MACROD2: variants seen among roughly 807,000 people sequenced by gnomAD.
The protein encoded by MACROD2 is ADP-ribose glycohydrolase MACROD2.
A neutral mutation model predicts 70.4 loss-of-function variants in MACROD2; 36 were observed. The observed-to-expected ratio is 0.51, with a 90% confidence interval of 0.39 to 0.68. The LOEUF is 0.68. Among genes scored for constraint, MACROD2 ranks in the 30% least tolerant of loss-of-function variants. MACROD2 has a pLI of 0.00. For synonymous variants in MACROD2, 172 were observed against 178.8 expected, an observed-to-expected ratio of 0.96 and a Z score of 0.30; for missense variants, 496 against 538.4, an observed-to-expected ratio of 0.92 and a Z score of 0.78.
intron 8 of MACROD2, among the ~76,000 whole-genome samples, chr20:15,556,120 G>A (rs977281187): frequency 1.3e-5 from 2 of 152,128 alleles, no homozygotes; most frequent in Admixed American, 1.3e-4. Flanking sequence ...AATTAAAATG[G>A]GTCATATGCA....
Position 14,326,994 on chromosome 20 carries a change from C to G in MACROD2, c.272-166485C>G. Reference sequence around the variant, plus strand: ...GTTCTTCTATAGTCCTGGGCAAACCCCAGGGAATTGTGCTAAGGTGATTAC... The same window carrying G: ...GTTCTTCTATAGTCCTGGGCAAACCGCAGGGAATTGTGCTAAGGTGATTAC... On this transcript the variant is annotated intron_variant, in intron 3 of 17. Coordinates refer to ENST00000684519, the MANE Select transcript of MACROD2 (RefSeq NM_001351661.2). This position sits in a 1 kb window ranked among gnomAD's most constrained non-coding sequence, Gnocchi z 5.5. The G allele has an allele frequency of 1.2e-6, 2 of 1,613,676 alleles. No individual in the cohort carries two copies. Among genetic ancestry groups the G allele is most frequent in the Non-Finnish European group, 1.7e-6 (2 of 1,179,752 alleles).
intron 6 of MACROD2, among the ~76,000 whole-genome samples, chr20:15,290,891 A>C (rs1443819939): frequency 6.6e-6 from 1 of 152,220 alleles, no homozygotes; most frequent in Non-Finnish European, 1.5e-5. Flanking sequence ...ACGCTGAAGA[A>C]AATAACATGC....
chr20:15,094,775 G>A (rs1231184138), intron 5 of MACROD2, among the ~76,000 whole-genome samples: 1 of 152,046 alleles, frequency 6.6e-6, no homozygotes. Context: ...AAAAAACACA[G>A]GAACATTATT....
intron 3 of MACROD2, among the ~76,000 whole-genome samples, chr20:14,250,280 A>G (rs866778100): frequency 1.3e-5 from 2 of 152,068 alleles, no homozygotes; most frequent in African/African-American, 2.4e-5. Flanking sequence ...TTTGTTGCCA[A>G]TTTTAAGGAA....
At chr20:15,417,056 G>A (rs1001957803) in intron 6 of MACROD2, among the ~76,000 whole-genome samples, 4 of 152,122 alleles carry the variant, frequency 2.6e-5, no homozygotes, top group African/African-American at 9.7e-5. Flanking sequence ...TAAAACAGAC[G>A]TGTCAAGACT....
At chr20:15,460,838 T>C (rs2046797555) in intron 7 of MACROD2, among the ~76,000 whole-genome samples, 2 of 151,552 alleles carry the variant, frequency 1.3e-5, no homozygotes, top group Non-Finnish European at 2.9e-5. Context: ...TTCTATGAAA[T>C]CAACTGTTTT....
At chr20:15,723,177 C>G (rs1187616408) in intron 8 of MACROD2, among the ~76,000 whole-genome samples, 1 of 152,162 alleles carries the variant, frequency 6.6e-6, no homozygotes, top group Non-Finnish European at 1.5e-5. Context: ...GAGGAAGGCA[C>G]AGAGATTTCT....
At chr20:15,030,666 C>CAGATAGATAGAT (rs60260667) in intron 5 of MACROD2, among the ~76,000 whole-genome samples, 23 of 151,750 alleles carry the variant, frequency 1.5e-4, no homozygotes, top group African/African-American at 5.1e-4. Context: ...GATAGATAGA[C>CAGATAGATAGAT]AGATAGATAG....
chr20:14,297,870 T>C (rs11905766), intron 3 of MACROD2, among the ~76,000 whole-genome samples: 3,261 of 151,978 alleles, frequency 0.021, 192 homozygotes, highest in African/African-American at 0.075. Flanking sequence ...AATGCCTGCC[T>C]TCAAAGCTTC....
At chr20:14,635,177 G>A (rs116836099) in intron 4 of MACROD2, among the ~76,000 whole-genome samples, 1,968 of 152,288 alleles carry the variant, frequency 0.013, 38 homozygotes, top group African/African-American at 0.046. Flanking sequence ...AATCAGTGTT[G>A]AATTATTTCC....
At chr20:15,965,254 C>T (rs2066123226) in intron 12 of MACROD2, among the ~76,000 whole-genome samples, 1 of 152,006 alleles carries the variant, frequency 6.6e-6, no homozygotes, top group South Asian at 2.1e-4. Context: ...AAAGCAACTC[C>T]CCAAGAATAT....
chr20:15,700,343 T>C (rs1723656324), intron 8 of MACROD2, among the ~76,000 whole-genome samples: 1 of 152,164 alleles, frequency 6.6e-6, no homozygotes, highest in South Asian at 2.1e-4. Flanking sequence ...TGAGGGAGCA[T>C]CAGGCTGCAA....
rs535252913 is a variant in MACROD2, at chr20:15,858,642, C to T, written c.646-4103C>T. ...CATTTAGCAGGATTGACCTGTTTCCCGCTGGTGTGACATTAGCTGGGATGG... is the reference window on the plus strand; with the variant it reads ...CATTTAGCAGGATTGACCTGTTTCCTGCTGGTGTGACATTAGCTGGGATGG... On this transcript the variant is annotated intron_variant, in intron 8 of 17. Transcript: ENST00000684519. 2.3e-3 allele frequency among the ~76,000 whole-genome samples: 353 copies of T among 152,258 alleles called. 1 individual carries two copies. Among genetic ancestry groups the T allele is most frequent in the African/African-American group, 7.7e-3 (322 of 41,550 alleles).
chr20:15,360,108 T>A (rs1428034131), intron 6 of MACROD2, among the ~76,000 whole-genome samples: 2 of 152,216 alleles, frequency 1.3e-5, no homozygotes, highest in Non-Finnish European at 2.9e-5. Flanking sequence ...TCATAAAGCA[T>A]GTGATTTTTT....
chr20:16,025,396 G>A (rs1200986518), intron 15 of MACROD2, among the ~76,000 whole-genome samples: 3 of 152,206 alleles, frequency 2.0e-5, no homozygotes, highest in Non-Finnish European at 4.4e-5. Flanking sequence ...TCTGAAAAAA[G>A]CAAAAGATTC....
chr20:14,270,732 C>T (rs891826909), intron 3 of MACROD2, among the ~76,000 whole-genome samples: 11 of 152,154 alleles, frequency 7.2e-5, no homozygotes, highest in Admixed American at 1.3e-4. Flanking sequence ...CCAAGATGGC[C>T]GAATAGGAAC....
chr20:14,997,005 G>A (rs1180676816), intron 5 of MACROD2, among the ~76,000 whole-genome samples: 2 of 152,210 alleles, frequency 1.3e-5, no homozygotes, highest in African/African-American at 2.4e-5. Flanking sequence ...CCCTGGTGCT[G>A]TGCTGAGCTC....
At chr20:14,926,608 C>T (rs1285821093) in intron 5 of MACROD2, among the ~76,000 whole-genome samples, 3 of 151,560 alleles carry the variant, frequency 2.0e-5, no homozygotes, top group East Asian at 3.9e-4. Context: ...ATGAACAAGT[C>T]AAACTCAATA....
At position 15,677,607 on chromosome 20, in the gene MACROD2, C is replaced by G. The variant is rs1380029527; in HGVS notation, c.645+177760C>G. 2.0e-5 allele frequency among the ~76,000 whole-genome samples: 3 copies of G among 152,018 alleles called. No individual in the cohort carries two copies. The South Asian group carries it at 6.2e-4, about 32-fold the overall frequency. ...ACTGTGTGGGTGACCAGAATCCCAG[C>G]CCATACCTCAGTTTCATTGTCTTCT... is the stretch of plus-strand genomic sequence containing the variant. On this transcript the variant is annotated intron_variant, in intron 8 of 17. Transcript: ENST00000684519.
Sources: allele counts gnomAD v4.1 joint callset (sites outside exome capture counted in the v4.1 genomes callset), GRCh38; gene constraint gnomAD v4.1.1; non-coding constraint Gnocchi (gnomAD v3.1); transcripts MANE v1.5; gene names NCBI Gene and HGNC (gene_info 2026-07-23, HGNC 2026-07-21).